COL4A3: variants seen among roughly 807,000 people sequenced by gnomAD.
COL4A3 encodes collagen alpha-3(IV) chain.
COL4A3 carries 135 observed loss-of-function variants against 217.4 expected under a neutral mutation model. The ratio of observed to expected loss-of-function variants is 0.62; its 90% CI spans 0.54 to 0.72. The LOEUF is 0.72. Among genes scored for constraint, COL4A3 ranks in the 30% least tolerant of loss-of-function variants. The probability of loss-of-function intolerance (pLI) is 0.00; values close to 1 mark genes in which losing one functional copy is unlikely to be tolerated. For synonymous variants in COL4A3, 690 were observed against 736.3 expected (o/e 0.94, Z 1.02); for missense variants, 1,868 against 2,119.9 (o/e 0.88, Z 2.33).
At chr2:227,228,500 C>A (rs1372329786) in intron 1 of COL4A3, 1 of 152,284 alleles carries the variant, frequency 6.6e-6, no homozygotes, top group East Asian at 1.9e-4. Flanking sequence ...AGGGTGTTAA[C>A]CAGCTGTGAA....
chr2:227,291,280 T>G (rs191605741), intron 37 of COL4A3, among the ~76,000 whole-genome samples: 1 of 152,282 alleles, frequency 6.6e-6, no homozygotes, highest in African/African-American at 2.4e-5. Flanking sequence ...AAAACACTTG[T>G]CGGCCGGGCG....
At chr2:227,210,320 G>T (rs566618283) in intron 1 of COL4A3, among the ~76,000 whole-genome samples, 13 of 152,204 alleles carry the variant, frequency 8.5e-5, no homozygotes, top group Non-Finnish European at 1.8e-4. Flanking sequence ...GCTGGGCATG[G>T]TGGCTCATAC....
chr2:227,260,244 C>G (rs544666445), intron 19 of COL4A3, among the ~76,000 whole-genome samples: 1 of 152,282 alleles, frequency 6.6e-6, no homozygotes, highest in African/African-American at 2.4e-5. Flanking sequence ...GGAACTGAAA[C>G]CCTGGTTTCC....
At position 227,266,469 on chromosome 2, in the gene COL4A3, T is replaced by C. The variant is rs766591906; in HGVS notation, c.1368T>C (p.Tyr456=). Residue 456 remains tyrosine, a synonymous_variant, in exon 22 of 52, where the codon TAT becomes TAC. Transcript: ENST00000396578. ...CTGGAGATCACGGACTGCCAGGCTA[T>C]CTAGGGTCTCCAGGAATCCCAGGAG... ...GPPGDHGLPG[Y]LGSPGIPGVD... The C allele has an allele frequency of 4.3e-5, 69 of 1,614,066 alleles. No individual in the cohort carries two copies. The highest frequency in any genetic ancestry group is 5.5e-5 in the Non-Finnish European group (65 of 1,179,984).
intron 1 of COL4A3, among the ~76,000 whole-genome samples, chr2:227,174,237 G>A (rs188351596): frequency 2.0e-5 from 3 of 152,140 alleles, no homozygotes; most frequent in African/African-American, 4.8e-5. Context: ...ATCACAAAAC[G>A]GAAAATAATT....
In COL4A3 at chr2:227,289,180, AC is replaced by A; in HGVS notation, c.2913del (p.Asn971LysfsTer10). 1 of 1,613,824 alleles carries A rather than the reference AC, an allele frequency of 6.2e-7. No homozygotes were observed. The highest frequency in any genetic ancestry group is 8.5e-7 in the Non-Finnish European group (1 of 1,179,906). ...GCAGGAAATCCAGGTGAGAAAGGAA[AC>A]AGAGGCGTTCCAGGGATGCCAGGTT... ...GFAGNPGEKGNRGVPGMPGLK... is the reference protein window; with the variant it reads ...GFAGNPGEKGXRGVPGMPGLK... On this transcript the variant is annotated frameshift_variant, in exon 35 of 52. Transcript: ENST00000396578. LOFTEE classifies it high-confidence loss of function.
chr2:227,269,337 A>G lies in COL4A3; in HGVS notation c.1505-573A>G, dbSNP rs553487509. On this transcript the variant is annotated intron_variant, in intron 23 of 51. Coordinates refer to ENST00000396578, the MANE Select transcript of COL4A3 (RefSeq NM_000091.5). ...TCAAAGCATTGTTCACAACAGCTAAAAGTTGAAAAATGTCTACCTAATGTC... is the reference window on the plus strand; with the variant it reads ...TCAAAGCATTGTTCACAACAGCTAAGAGTTGAAAAATGTCTACCTAATGTC... 4.6e-5 allele frequency among the ~76,000 whole-genome samples: 7 copies of G among 152,340 alleles called. No individual in the cohort carries two copies. The East Asian group carries it at 1.2e-3, about 25-fold the overall frequency.
At chr2:227,186,492 C>T (rs2066038433) in intron 1 of COL4A3, among the ~76,000 whole-genome samples, 1 of 152,180 alleles carries the variant, frequency 6.6e-6, no homozygotes, top group African/African-American at 2.4e-5. Context: ...GTGAGAGCAG[C>T]ACAAAAGGAG....
intron 28 of COL4A3, 170 bp from the exon 29 acceptor site, chr2:227,279,623 A>C (rs77149436): frequency 3.5e-6 from 2 of 569,650 alleles, no homozygotes; most frequent in Non-Finnish European, 6.3e-6. Context: ...ATAGGAACCA[A>C]TGTAATTTGA....
chr2:227,248,563 A>C (rs540689943), intron 9 of COL4A3, 43 bp downstream of exon 9: 1 of 1,284,444 alleles, frequency 7.8e-7, no homozygotes, highest in Non-Finnish European at 1.1e-6. Flanking sequence ...TCAGTTTTTC[A>C]CTCTCTCTCT....
At chr2:227,204,705 G>A (rs779439253) in intron 1 of COL4A3, among the ~76,000 whole-genome samples, 2 of 152,184 alleles carry the variant, frequency 1.3e-5, no homozygotes, top group Non-Finnish European at 2.9e-5. Flanking sequence ...CCCCAGATTT[G>A]CCTCAGCCAC....
At chr2:227,311,752 A>G (rs1483537258) in intron 51 of COL4A3, 34 bp from the exon 52 acceptor site, 10 of 1,604,492 alleles carry the variant, frequency 6.2e-6, no homozygotes, top group Non-Finnish European at 8.5e-6. Flanking sequence ...TTATGCATAA[A>G]TAAATGAATT....
chr2:227,238,688 T>G (rs2068841101), intron 2 of COL4A3, among the ~76,000 whole-genome samples: 1 of 152,164 alleles, frequency 6.6e-6, no homozygotes, highest in South Asian at 2.1e-4. Context: ...GATGACTATT[T>G]TAAAATATTT....
chr2:227,175,466 A>G (rs142247806), intron 1 of COL4A3, among the ~76,000 whole-genome samples: 1 of 152,322 alleles, frequency 6.6e-6, no homozygotes, highest in African/African-American at 2.4e-5. Flanking sequence ...GCAAGACTCC[A>G]TCTCAAAAAA....
chr2:227,287,216 G>A (rs1202658933), intron 34 of COL4A3, among the ~76,000 whole-genome samples: 5 of 151,462 alleles, frequency 3.3e-5, no homozygotes, highest in Admixed American at 3.3e-4. Flanking sequence ...GGTGGATCAT[G>A]AGGTCAAGAG....
At position 227,244,350 on chromosome 2, in the gene COL4A3, T is replaced by C; in HGVS notation, c.265T>C (p.Ser89Pro). 1 of 1,613,980 alleles carries C rather than the reference T, an allele frequency of 6.2e-7. No individual in the cohort carries two copies. The highest frequency in any genetic ancestry group is 8.5e-7 in the Non-Finnish European group (1 of 1,179,890). The change falls in exon 4 of 52, where the codon TCC becomes CCC. Residue 89 changes from serine (S) to proline (P), a missense_variant. Around this residue, in one of 2 missense-constraint regions of COL4A3, gnomAD observed 365 missense variants for 333.8 expected, o/e 1.09. Coordinates refer to ENST00000396578, the MANE Select transcript of COL4A3 (RefSeq NM_000091.5). The part of the protein sequence containing the change: ...GFPGLPGLTG[S>P]KGVRGISGLP... Reference sequence around the variant, plus strand: ...TCCAGGACTTCCAGGACTCACGGGTTCCAAAGGTGTAAGGGTTAGTAGTCC... The same window carrying C: ...TCCAGGACTTCCAGGACTCACGGGTCCCAAAGGTGTAAGGGTTAGTAGTCC...
intron 6 of COL4A3, 101 bp from the exon 7 acceptor site, chr2:227,246,584 A>T: frequency 1.1e-6 from 1 of 924,888 alleles, no homozygotes; most frequent in Non-Finnish European, 1.7e-6. Flanking sequence ...TACTTTGTCT[A>T]GATTTACCAT....
At chr2:227,234,111 G>A (rs1183105491) in intron 1 of COL4A3, among the ~76,000 whole-genome samples, 1 of 152,160 alleles carries the variant, frequency 6.6e-6, no homozygotes, top group Non-Finnish European at 1.5e-5. Flanking sequence ...AGTATCTGGG[G>A]TACAGTGTCA....
At chr2:227,210,291 T>C (rs1559829663) in intron 1 of COL4A3, among the ~76,000 whole-genome samples, 1 of 152,158 alleles carries the variant, frequency 6.6e-6, no homozygotes, top group Non-Finnish European at 1.5e-5. Flanking sequence ...ATATGCACAG[T>C]GTAAAGAATA....
Sources: gnomAD v4.1 joint callset for allele counts (sites outside exome capture counted in the v4.1 genomes callset) on GRCh38, gnomAD v4.1.1 for gene constraint, gnomAD v4.1.1 regional missense constraint, MANE v1.5 for transcripts, NCBI Gene and HGNC (gene_info 2026-07-23, HGNC 2026-07-21) for gene names.